Variants in TTC9 observed in about 807,000 individuals in gnomAD.
The protein encoded by TTC9 is tetratricopeptide repeat domain 9.
Under a neutral mutation model 22.9 loss-of-function variants are expected in TTC9, and 13 were observed. That is an observed-to-expected ratio of 0.57 (90% CI 0.37 to 0.90). The LOEUF (loss-of-function observed/expected upper bound fraction) is 0.90. Among genes scored for constraint, TTC9 ranks in the 40% least tolerant of loss-of-function variants. The pLI is 0.01. For synonymous variants in TTC9, 148 were observed against 133.2 expected (o/e 1.11, Z -0.77); for missense variants, 280 against 291.8 (o/e 0.96, Z 0.29).
In TTC9 at chr14:70,642,338, A is replaced by T. The variant is rs766259349; in HGVS notation, c.209A>T (p.Asp70Val). The change falls in exon 1 of 3, where the codon GAC becomes GTC. Residue 70 changes from aspartate to valine, a missense_variant. Around this residue, in one of 5 missense-constraint regions of TTC9, gnomAD observed 165 missense variants for 145.4 expected, o/e 1.14. Coordinates refer to ENST00000256367, the MANE Select transcript of TTC9 (RefSeq NM_015351.2). ...AGCCAAGGGGCGCAGTGCTACAAGG[A>T]CAAGAAATTCCGTGAAGCCATAGGC... ...FKSQGAQCYK[D>V]KKFREAIGKY... 6.3e-7 allele frequency: 1 copy of T among 1,598,230 alleles called. No individual in the cohort carries two copies. Among genetic ancestry groups the T allele is most frequent in the South Asian group, 1.1e-5 (1 of 88,590 alleles).
intron 1 of TTC9, among the ~76,000 whole-genome samples, chr14:70,643,224 A>G (rs1256797170): frequency 6.6e-6 from 1 of 152,090 alleles, no homozygotes; most frequent in African/African-American, 2.4e-5. Context: ...CCCGTTTCTC[A>G]CTATGTGTAG....
Position 70,654,587 on chromosome 14 carries a change from C to CAAAAAA in TTC9, c.406+12082_406+12087dup, listed in dbSNP as rs61046584. Among the ~76,000 whole-genome samples the CAAAAAA allele has an allele frequency of 1.7e-3, 95 of 57,130 alleles. 5 individuals carry two copies. The highest frequency in any genetic ancestry group is 5.5e-3 in the African/African-American group (66 of 12,100). The allele number at this position is 57,130 out of a possible 152,430, so 37.5% of individuals were successfully genotyped here. Reference sequence around the variant, plus strand: ...CCTGGGCAACAGTAAGGCTCTGTCTCAAAAAAAAAAAAAAAAAAAAAAAAA... The same window carrying CAAAAAA: ...CCTGGGCAACAGTAAGGCTCTGTCTCAAAAAAAAAAAAAAAAAAAAAAAAAAAAAAA... On this transcript the variant is annotated intron_variant, in intron 1 of 2. Transcript: ENST00000256367.
At chr14:70,661,936 T>C (rs1886149824) in intron 1 of TTC9, among the ~76,000 whole-genome samples, 4 of 152,334 alleles carry the variant, frequency 2.6e-5, no homozygotes, top group African/African-American at 7.2e-5. Flanking sequence ...TGCCTTTCTC[T>C]TGTAAGTTCA....
chr14:70,650,935 GA>G (rs1248331247), intron 1 of TTC9, among the ~76,000 whole-genome samples: 2 of 151,292 alleles, frequency 1.3e-5, no homozygotes, highest in Non-Finnish European at 2.9e-5. Flanking sequence ...TGTTACCTTT[GA>G]AAAAAGAGGC....
intron 1 of TTC9, among the ~76,000 whole-genome samples, chr14:70,663,034 A>G (rs540127550): frequency 6.6e-6 from 1 of 152,292 alleles, no homozygotes; most frequent in African/African-American, 2.4e-5. Context: ...TTTCCTGCTT[A>G]TCCGCCTCCA....
chr14:70,673,059 C>T lies in TTC9; in HGVS notation c.*1904C>T, dbSNP rs561893901. 3.9e-5 allele frequency: 6 copies of T among 152,356 alleles called. No homozygotes were observed. Among genetic ancestry groups the T allele is most frequent in the Non-Finnish European group, 7.3e-5 (5 of 68,074 alleles). The allele number at this position is 152,356 out of a possible 1,614,324, so 9.4% of individuals were successfully genotyped here. ...ACCAGAGGCCAGAATCCCTAGTAGT[C>T]AGAGCAGTGACAGGTCAGAAAAAGG... On this transcript the variant is annotated 3_prime_UTR_variant, in exon 3 of 3. Transcript: ENST00000256367.
intron 1 of TTC9, among the ~76,000 whole-genome samples, chr14:70,665,320 G>A (rs1886199721): frequency 6.6e-6 from 1 of 152,076 alleles, no homozygotes; most frequent in Non-Finnish European, 1.5e-5. Context: ...AGTCAGTGAG[G>A]TTCACATCCA....
intron 1 of TTC9, among the ~76,000 whole-genome samples, chr14:70,655,948 G>T (rs1038812771): frequency 6.6e-6 from 1 of 151,804 alleles, no homozygotes; most frequent in Non-Finnish European, 1.5e-5. Flanking sequence ...CTTTCTCCCC[G>T]CCAGCTCCTC....
intron 1 of TTC9, among the ~76,000 whole-genome samples, chr14:70,657,117 T>C (rs1453043005): frequency 1.3e-5 from 2 of 152,244 alleles, no homozygotes; most frequent in African/African-American, 2.4e-5. Flanking sequence ...ATACTGACTT[T>C]CCATGCAGTT....
chr14:70,654,703 A>C (rs2139643892), intron 1 of TTC9, among the ~76,000 whole-genome samples: 1 of 151,986 alleles, frequency 6.6e-6, no homozygotes, highest in African/African-American at 2.4e-5. Flanking sequence ...TAAATTTAGC[A>C]GAGTTTAATT....
intron 1 of TTC9, among the ~76,000 whole-genome samples, chr14:70,663,633 T>C (rs1002705851): frequency 3.3e-5 from 5 of 152,092 alleles, no homozygotes; most frequent in African/African-American, 1.2e-4. Context: ...TTGTCCTTCA[T>C]AGCAGTTAGC....
intron 1 of TTC9, among the ~76,000 whole-genome samples, chr14:70,645,016 G>C (rs1336764352): frequency 6.6e-6 from 1 of 152,186 alleles, no homozygotes; most frequent in Non-Finnish European, 1.5e-5. Flanking sequence ...GGAGGCTGAG[G>C]CAGGAGAATG....
chr14:70,666,624 G>C (rs1017755292), intron 1 of TTC9, among the ~76,000 whole-genome samples: 1 of 152,092 alleles, frequency 6.6e-6, no homozygotes, highest in Admixed American at 6.5e-5. Flanking sequence ...GGAAGGACTT[G>C]GATTCTGGAG....
At chr14:70,657,642 G>A (rs1050891358) in intron 1 of TTC9, among the ~76,000 whole-genome samples, 1 of 152,318 alleles carries the variant, frequency 6.6e-6, no homozygotes, top group East Asian at 1.9e-4. Flanking sequence ...CAGCAGGCAG[G>A]AGAAATAGGT....
intron 1 of TTC9, among the ~76,000 whole-genome samples, chr14:70,665,433 G>A (rs1443444862): frequency 6.6e-6 from 1 of 152,120 alleles, no homozygotes; most frequent in Non-Finnish European, 1.5e-5. Context: ...AAGGGCCTAA[G>A]ATCCCACCAT....
intron 1 of TTC9, among the ~76,000 whole-genome samples, chr14:70,651,044 G>A (rs930768873): frequency 3.3e-5 from 5 of 151,798 alleles, no homozygotes; most frequent in African/African-American, 4.8e-5. Flanking sequence ...TAAGTAGCAC[G>A]TTATCAGCTC....
intron 1 of TTC9, 31 bp from the exon 2 acceptor site, chr14:70,667,533 C>T: frequency 6.2e-7 from 1 of 1,612,210 alleles, no homozygotes. Flanking sequence ...CACTGTTGTG[C>T]TGATGGCATT....
At chr14:70,661,682 T>A (rs1279290769) in intron 1 of TTC9, among the ~76,000 whole-genome samples, 1 of 152,160 alleles carries the variant, frequency 6.6e-6, no homozygotes, top group African/African-American at 2.4e-5. Flanking sequence ...TAGCCTGAGG[T>A]CTCAGCGTGG....
At chr14:70,670,499 A>G (rs1886278471) in intron 2 of TTC9, among the ~76,000 whole-genome samples, 1 of 152,146 alleles carries the variant, frequency 6.6e-6, no homozygotes, top group Non-Finnish European at 1.5e-5. Flanking sequence ...CTCTACTAAA[A>G]ATACAAGAAT....
Sources: gnomAD v4.1 joint callset for allele counts (sites outside exome capture counted in the v4.1 genomes callset) on GRCh38, gnomAD v4.1.1 for gene constraint, gnomAD v4.1.1 regional missense constraint, MANE v1.5 for transcripts, NCBI Gene and HGNC (gene_info 2026-07-23, HGNC 2026-07-21) for gene names.